Variants in SERINC5 observed in about 807,000 individuals in gnomAD.
SERINC5 encodes the protein serine incorporator 5, also known as chromosome 5 open reading frame 12.
A neutral mutation model predicts 63.1 loss-of-function variants in SERINC5; 41 were observed. That is an observed-to-expected ratio of 0.65 (90% CI 0.51 to 0.84). SERINC5 has a LOEUF of 0.84. Ranked by LOEUF, SERINC5 falls within the 40% of genes least tolerant of loss-of-function variation. SERINC5 has a pLI of 0.00. For missense variants in SERINC5, 523 were observed against 573.0 expected (o/e 0.91, Z 0.89); for synonymous variants, 222 against 215.2 (o/e 1.03, Z -0.28).
intron 1 of SERINC5, among the ~76,000 whole-genome samples, chr5:80,250,822 TA>T (rs1334977949): frequency 6.6e-6 from 1 of 152,160 alleles, no homozygotes; most frequent in Non-Finnish European, 1.5e-5. Context: ...CAACCCTTTG[TA>T]ACTTTTCACT....
chr5:80,150,748 T>C lies in SERINC5; in HGVS notation c.1053+134A>G, dbSNP rs1746125356. 9.7e-6 allele frequency: 7 copies of C among 718,376 alleles called. No individual in the cohort carries two copies. The South Asian group carries it at 1.1e-4, about 11-fold the overall frequency. The allele number at this position is 718,376 out of a possible 1,614,324, so 44.5% of individuals were successfully genotyped here. ...ACCACACCCGGCCAGCATTTATTTTTCTATACAAAAATCTTTCCTCAGCAG... is the reference window on the plus strand; with the variant it reads ...ACCACACCCGGCCAGCATTTATTTTCCTATACAAAAATCTTTCCTCAGCAG... On this transcript the variant is annotated intron_variant, in intron 9 of 11. Coordinates refer to ENST00000507668, the MANE Select transcript of SERINC5 (RefSeq NM_001174072.3).
rs370725673 is a variant in SERINC5 at position 80,233,204 on chromosome 5, T to A, written c.27+22692A>T. On this transcript the variant is annotated intron_variant, in intron 1 of 11. Transcript: ENST00000507668. ...ACTTTGGGAGGCCAAGGAGGGCGGA[T>A]CATCTGAGGTCGAGAGTTCGAGACC... Among the ~76,000 whole-genome samples the A allele has an allele frequency of 5.3e-5, 8 of 152,326 alleles. 1 individual carries two copies. Among genetic ancestry groups the A allele is most frequent in the African/African-American group, 1.7e-4 (7 of 41,572 alleles).
Position 80,158,936 on chromosome 5 carries a change from T to C in SERINC5, c.886A>G (p.Thr296Ala). Reference sequence around the variant, plus strand: ...TGACCAAAGTCAGGCACACAGATTGTAACATTTTTCCCATGTTCATCTAGA... The same window carrying C: ...TGACCAAAGTCAGGCACACAGATTGCAACATTTTTCCCATGTTCATCTAGA... ...VVLDEHGKNVTICVPDFGQDL... is the reference protein window; with the variant it reads ...VVLDEHGKNVAICVPDFGQDL... Residue 296 changes from threonine (T) to alanine (A), a missense_variant, in exon 8 of 12, where the codon ACA (threonine) becomes GCA (alanine). Thr to Ala is a moderately conservative substitution (Grantham distance 58). Coordinates refer to ENST00000507668, the MANE Select transcript of SERINC5 (RefSeq NM_001174072.3). The C allele has an allele frequency of 6.2e-7, 1 of 1,613,820 alleles. No homozygotes were observed. The highest frequency in any genetic ancestry group is 8.5e-7 in the Non-Finnish European group (1 of 1,179,822).
chr5:80,144,712 T>C (rs1745709540), intron 11 of SERINC5, among the ~76,000 whole-genome samples: 1 of 152,194 alleles, frequency 6.6e-6, no homozygotes, highest in South Asian at 2.1e-4. Flanking sequence ...TAATTTTATT[T>C]TTCTCCCCAA....
At position 80,173,773 on chromosome 5, in the gene SERINC5, CT is replaced by C. The variant is rs778712843; in HGVS notation, c.551+1180del. 9.3e-4 allele frequency among the ~76,000 whole-genome samples: 141 copies of C among 152,150 alleles called. 1 individual carries two copies. Among genetic ancestry groups the C allele is most frequent in the Non-Finnish European group, 1.6e-3 (112 of 68,010 alleles). Reference sequence around the variant, plus strand: ...CCTCCCTCACCTGGATTGACTCCCCCTGACCTCCTTACTTGCACCCCTGACA... The same window carrying C: ...CCTCCCTCACCTGGATTGACTCCCCCGACCTCCTTACTTGCACCCCTGACA... On this transcript the variant is annotated intron_variant, in intron 5 of 11. Coordinates refer to ENST00000507668, the MANE Select transcript of SERINC5 (RefSeq NM_001174072.3).
chr5:80,172,235 C>T (rs952177843), intron 5 of SERINC5, among the ~76,000 whole-genome samples: 2 of 152,028 alleles, frequency 1.3e-5, no homozygotes, highest in African/African-American at 2.4e-5. Context: ...GTGGCTGAAT[C>T]GCTTGGACAC....
At position 80,173,976 on chromosome 5, in the gene SERINC5, A is replaced by G. The variant is rs141373738; in HGVS notation, c.551+978T>C. On this transcript the variant is annotated intron_variant, in intron 5 of 11. Transcript: ENST00000507668. ...AACCACAAAATTTGAGCTAGAAAGG[A>G]AAAAAAAAGAACACACCAGTTAGTC... 1.3e-4 allele frequency among the ~76,000 whole-genome samples: 19 copies of G among 151,396 alleles called. No individual in the cohort carries two copies. In the East Asian group the frequency reaches 3.7e-3, roughly 29 times the overall value.
intron 7 of SERINC5, among the ~76,000 whole-genome samples, chr5:80,165,801 T>G (rs1368308780): frequency 6.6e-6 from 1 of 152,018 alleles, no homozygotes; most frequent in African/African-American, 2.4e-5. Context: ...AAAAGCAAAC[T>G]CCACAGCCAA....
intron 1 of SERINC5, among the ~76,000 whole-genome samples, chr5:80,249,417 T>TA (rs1752304525): frequency 6.6e-6 from 1 of 151,978 alleles, no homozygotes; most frequent in South Asian, 2.1e-4. Context: ...GGGTGCATGT[T>TA]AAAAAAAACT....
downstream of SERINC5, among the ~76,000 whole-genome samples, chr5:80,136,167 C>G (rs1009601617): frequency 2.6e-5 from 4 of 152,060 alleles, no homozygotes; most frequent in African/African-American, 9.7e-5. Context: ...GTTGTAGGCC[C>G]AAGCCCTCGG....
At chr5:80,243,951 A>G (rs533789286) in intron 1 of SERINC5, among the ~76,000 whole-genome samples, 42 of 152,126 alleles carry the variant, frequency 2.8e-4, no homozygotes, top group African/African-American at 8.9e-4. Context: ...TCTCTGAAGA[A>G]AAAAGGGGAT....
chr5:80,227,880 G>T (rs1336427688), intron 1 of SERINC5, among the ~76,000 whole-genome samples: 1 of 151,834 alleles, frequency 6.6e-6, no homozygotes, highest in Admixed American at 6.6e-5. Context: ...TTTACACAAG[G>T]TAAGAAGGTT....
At chr5:80,161,028 ACACACG>A (rs1357910803) in intron 7 of SERINC5, among the ~76,000 whole-genome samples, 4,525 of 128,832 alleles carry the variant, frequency 0.035, 234 homozygotes, top group African/African-American at 0.16. Context: ...GTATATATAT[ACACACG>A]TGTATATATA....
intron 11 of SERINC5, among the ~76,000 whole-genome samples, chr5:80,120,072 G>A (rs1744483709): frequency 6.6e-6 from 1 of 152,136 alleles, no homozygotes; most frequent in Non-Finnish European, 1.5e-5. Flanking sequence ...TCTATAAAGG[G>A]GGGGCTATAC....
chr5:80,197,028 G>A (rs1580151720), intron 2 of SERINC5, among the ~76,000 whole-genome samples: 1 of 152,082 alleles, frequency 6.6e-6, no homozygotes, highest in East Asian at 1.9e-4. Context: ...AAGTACATAT[G>A]CTACAACCTG....
intron 9 of SERINC5, among the ~76,000 whole-genome samples, chr5:80,149,837 T>G (rs1201886807): frequency 2.0e-5 from 3 of 152,212 alleles, no homozygotes; most frequent in African/African-American, 7.2e-5. Context: ...CCCCTGGTTC[T>G]TTTCGTTCTT....
At chr5:80,177,471 G>T in intron 3 of SERINC5, 74 bp from the exon 4 acceptor site, 1 of 1,151,558 alleles carries the variant, frequency 8.7e-7, no homozygotes, top group Non-Finnish European at 1.3e-6. Context: ...CTCGTAGAAG[G>T]TACAGCATGT....
chr5:80,208,840 C>T (rs993736146), intron 1 of SERINC5, among the ~76,000 whole-genome samples: 2 of 152,138 alleles, frequency 1.3e-5, no homozygotes, highest in Non-Finnish European at 2.9e-5. Flanking sequence ...AAATGAATTA[C>T]GACCTATACA....
At chr5:80,146,793 AC>A (rs1242714463) in intron 10 of SERINC5, among the ~76,000 whole-genome samples, 7 of 152,034 alleles carry the variant, frequency 4.6e-5, no homozygotes, top group Non-Finnish European at 7.4e-5. Flanking sequence ...ACCCTTAAAA[AC>A]CCTTAAAGAC....
Sources: allele counts gnomAD v4.1 joint callset (sites outside exome capture counted in the v4.1 genomes callset), GRCh38; gene constraint gnomAD v4.1.1; transcripts MANE v1.5; gene names NCBI Gene and HGNC (gene_info 2026-07-23, HGNC 2026-07-21).